The following SMG6 variants were observed in gnomAD, a reference collection of about 807,000 sequenced individuals.
SMG6 encodes SMG6 nonsense mediated mRNA decay factor.
SMG6 carries 66 observed loss-of-function variants against 142.2 expected under a neutral mutation model. The ratio of observed to expected loss-of-function variants is 0.46; its 90% CI spans 0.38 to 0.57. The LOEUF (loss-of-function observed/expected upper bound fraction) is 0.57, where lower values mean the gene tolerates loss of function less well. Among genes scored for constraint, SMG6 ranks in the 20% least tolerant of loss-of-function variants. The probability of loss-of-function intolerance (pLI) is 0.00; values close to 1 mark genes in which losing one functional copy is unlikely to be tolerated. For synonymous variants in SMG6, 779 were observed against 702.4 expected (o/e 1.11, Z -1.72); for missense variants, 1,793 against 1,832.0 (o/e 0.98, Z 0.39).
chr17:2,259,440 C>T (rs2074263701), intron 8 of SMG6, among the ~76,000 whole-genome samples: 1 of 151,982 alleles, frequency 6.6e-6, no homozygotes, highest in Non-Finnish European at 1.5e-5. Flanking sequence ...CACAGTAGCT[C>T]ATGCCTGTAA....
intron 8 of SMG6, among the ~76,000 whole-genome samples, chr17:2,246,211 T>C (rs1555568): frequency 0.75 from 114,308 of 152,038 alleles, 43,673 homozygotes; most frequent in African/African-American, 0.85. Flanking sequence ...CCAAAGCAAG[T>C]AGAAACAATC....
At chr17:2,110,427 T>G (rs1191871456) in intron 13 of SMG6, among the ~76,000 whole-genome samples, 3 of 152,200 alleles carry the variant, frequency 2.0e-5, no homozygotes, top group African/African-American at 7.2e-5. Flanking sequence ...GCTCTCTCTA[T>G]GCCTTTTATA....
intron 10 of SMG6, among the ~76,000 whole-genome samples, chr17:2,220,052 G>A (rs949152583): frequency 1.3e-5 from 2 of 152,054 alleles, no homozygotes; most frequent in African/African-American, 2.4e-5. Context: ...TTCCCAAGTA[G>A]CTGGGACTAC....
At chr17:2,290,281 T>C (rs1449070227) in intron 6 of SMG6, among the ~76,000 whole-genome samples, 7 of 152,122 alleles carry the variant, frequency 4.6e-5, no homozygotes, top group Admixed American at 4.6e-4. Context: ...GAGAAATAGA[T>C]GAACAGAGAG....
At chr17:2,199,095 G>A (rs947284123) in intron 10 of SMG6, among the ~76,000 whole-genome samples, 1 of 152,102 alleles carries the variant, frequency 6.6e-6, no homozygotes, top group Admixed American at 6.6e-5. Context: ...ACAAGATGAA[G>A]GTGATGAGAA....
intron 8 of SMG6, among the ~76,000 whole-genome samples, chr17:2,277,430 A>T (rs1223165928): frequency 6.6e-6 from 1 of 151,830 alleles, no homozygotes; most frequent in Admixed American, 6.6e-5. Context: ...CCTCCTAAAG[A>T]GCTGGGATTA....
Position 2,283,748 on chromosome 17 carries a change from G to A in SMG6, c.2338-13C>T, listed in dbSNP as rs138899286. ...CAAGCTTCCTCCTCTGTGGAAAGAG[G>A]CCAGAGACATTCAGTCAACCAATTC... On this transcript the variant is annotated splice_polypyrimidine_tract_variant and intron_variant, in intron 6 of 18. Coordinates refer to ENST00000263073, the MANE Select transcript of SMG6 (RefSeq NM_017575.5). 3 of 1,603,142 alleles carry A rather than the reference G, an allele frequency of 1.9e-6. No homozygotes were observed. The highest frequency in any genetic ancestry group is 2.7e-5 in the African/African-American group (2 of 74,792).
At chr17:2,160,046 G>C (rs529906998) in intron 13 of SMG6, among the ~76,000 whole-genome samples, 1 of 152,232 alleles carries the variant, frequency 6.6e-6, no homozygotes, top group East Asian at 1.9e-4. Context: ...AACATTTTGT[G>C]GAGAAGGAAA....
intron 10 of SMG6, among the ~76,000 whole-genome samples, chr17:2,199,560 A>C (rs2072447201): frequency 6.6e-6 from 1 of 151,352 alleles, no homozygotes; most frequent in African/African-American, 2.4e-5. Context: ...AATAAAAATA[A>C]ATAAATAAAT....
chr17:2,097,852 G>A (rs1028659876), intron 13 of SMG6, among the ~76,000 whole-genome samples: 4 of 152,280 alleles, frequency 2.6e-5, no homozygotes, highest in South Asian at 2.1e-4. Context: ...GAGTGCCCAC[G>A]TGACCTGGTA....
At chr17:2,187,214 G>T (rs2072017071) in intron 11 of SMG6, among the ~76,000 whole-genome samples, 1 of 152,196 alleles carries the variant, frequency 6.6e-6, no homozygotes, top group African/African-American at 2.4e-5. Context: ...GTGGGACACT[G>T]TGCAAATGCT....
At chr17:2,100,037 C>CT (rs150310662) in intron 13 of SMG6, among the ~76,000 whole-genome samples, 33,987 of 134,744 alleles carry the variant, frequency 0.25, 4,667 homozygotes, top group African/African-American at 0.35. Context: ...TAATTTTTAT[C>CT]TTTTTTTTTT....
chr17:2,088,825 A>G, intron 13 of SMG6: 4 of 985,446 alleles, frequency 4.1e-6, no homozygotes, highest in South Asian at 4.7e-5. Context: ...CTGCAAAAGC[A>G]TTCTGTCTTA....
At chr17:2,283,195 C>T (rs1009320297) in intron 7 of SMG6, among the ~76,000 whole-genome samples, 1 of 152,158 alleles carries the variant, frequency 6.6e-6, no homozygotes, top group African/African-American at 2.4e-5. Context: ...CACATGAGCT[C>T]AGACTTTCCT....
chr17:2,302,639 C>A (rs2075308150), intron 1 of SMG6, among the ~76,000 whole-genome samples: 1 of 152,162 alleles, frequency 6.6e-6, no homozygotes, highest in Non-Finnish European at 1.5e-5. Context: ...TATGCTCCAG[C>A]AAGTACATTT....
intron 10 of SMG6, among the ~76,000 whole-genome samples, chr17:2,197,264 A>G (rs770893818): frequency 1.3e-5 from 2 of 152,222 alleles, no homozygotes; most frequent in Non-Finnish European, 1.5e-5. Context: ...CAGATTACAT[A>G]TAAAACTCTT....
chr17:2,299,870 G>T lies in SMG6; in HGVS notation c.883C>A (p.Gln295Lys). The T allele has an allele frequency of 6.2e-7, 1 of 1,614,116 alleles. No homozygotes were observed. Among genetic ancestry groups the T allele is most frequent in the Non-Finnish European group, 8.5e-7 (1 of 1,179,980 alleles). Residue 295 changes from glutamine (Q) to lysine (K), a missense_variant, in exon 2 of 19, where the codon CAA (glutamine) becomes AAA (lysine). By Grantham distance (53) the Gln-to-Lys change is moderately conservative (BLOSUM62 1). Around this residue, in one of 3 missense-constraint regions of SMG6, gnomAD observed 1,597 missense variants for 1,584.6 expected, o/e 1.01. Transcript: ENST00000263073. This position sits in a 1 kb window ranked among gnomAD's most constrained non-coding sequence, Gnocchi z 4.3. Reference sequence around the variant, plus strand: ...GAATCGGTTGAGGACACAGACACTTGCTTCTTCAGTCGTGGCCTCTCCTTG... The same window carrying T: ...GAATCGGTTGAGGACACAGACACTTTCTTCTTCAGTCGTGGCCTCTCCTTG... ...RTKERPRLKK[Q>K]VSVSSTDSLD... is the part of the protein sequence containing the mutation.
chr17:2,064,117 C>T (rs1353511036), intron 18 of SMG6, among the ~76,000 whole-genome samples: 1 of 152,062 alleles, frequency 6.6e-6, no homozygotes, highest in East Asian at 1.9e-4. Flanking sequence ...GCAGCCTGAA[C>T]ACAAGGGCTA....
At chr17:2,174,974 G>A (rs1337417278) in intron 12 of SMG6, among the ~76,000 whole-genome samples, 2 of 152,016 alleles carry the variant, frequency 1.3e-5, no homozygotes, top group Non-Finnish European at 2.9e-5. Flanking sequence ...CTGCCCCACA[G>A]CCCTGATAGT....
Sources: gnomAD v4.1 joint callset for allele counts (sites outside exome capture counted in the v4.1 genomes callset) on GRCh38, gnomAD v4.1.1 for gene constraint, gnomAD v4.1.1 regional missense constraint, Gnocchi (gnomAD v3.1) non-coding constraint, MANE v1.5 for transcripts, NCBI Gene and HGNC (gene_info 2026-07-23, HGNC 2026-07-21) for gene names.